XXYLT1: variants seen among roughly 807,000 people sequenced by gnomAD.
The protein encoded by XXYLT1 is xyloside xylosyltransferase 1.
A neutral mutation model predicts 28.9 loss-of-function variants in XXYLT1; 20 were observed. That is an observed-to-expected ratio of 0.69 (90% CI 0.49 to 1.00). The LOEUF is 1.00. Ranked by LOEUF, XXYLT1 falls within the 50% of genes least tolerant of loss-of-function variation. The pLI, the probability that XXYLT1 is intolerant of heterozygous loss-of-function variation, is 0.00. For synonymous variants in XXYLT1, 257 were observed against 253.8 expected (o/e 1.01, Z -0.12); for missense variants, 542 against 560.1 (o/e 0.97, Z 0.33).
intron 2 of XXYLT1, among the ~76,000 whole-genome samples, chr3:195,198,379 T>C (rs1198736352): frequency 1.3e-5 from 2 of 152,158 alleles, no homozygotes; most frequent in Non-Finnish European, 1.5e-5. Context: ...CAGGAACAAG[T>C]TGTCCGGGCA....
chr3:195,266,986 TAAAC>T (rs1353826662), intron 1 of XXYLT1, among the ~76,000 whole-genome samples: 1 of 152,242 alleles, frequency 6.6e-6, no homozygotes, highest in East Asian at 1.9e-4. Flanking sequence ...TCACAGATAA[TAAAC>T]TAACAGATTA....
chr3:195,072,239 C>T (rs1036645697), intron 3 of XXYLT1, among the ~76,000 whole-genome samples: 5 of 152,196 alleles, frequency 3.3e-5, no homozygotes, highest in African/African-American at 1.2e-4. Context: ...GCTGCACCTG[C>T]AGATTCACTG....
chr3:195,241,654 T>G (rs903562386), intron 1 of XXYLT1, among the ~76,000 whole-genome samples: 13 of 152,176 alleles, frequency 8.5e-5, no homozygotes, highest in Admixed American at 6.5e-4. Flanking sequence ...CCAGGGCCTA[T>G]GCACTGTCTA....
intron 3 of XXYLT1, among the ~76,000 whole-genome samples, chr3:195,131,305 T>A (rs534053169): frequency 6.6e-5 from 10 of 152,334 alleles, no homozygotes; most frequent in African/African-American, 2.4e-4. Context: ...AAGGGACAGG[T>A]GATCTGACTT....
intron 1 of XXYLT1, among the ~76,000 whole-genome samples, chr3:195,234,403 T>C (rs939111188): frequency 2.4e-4 from 35 of 145,496 alleles, no homozygotes; most frequent in Non-Finnish European, 4.8e-4. Flanking sequence ...CTGCAACCTC[T>C]TGCCTCCCAG....
intron 3 of XXYLT1, among the ~76,000 whole-genome samples, chr3:195,088,676 G>A (rs1280941788): frequency 7.2e-6 from 1 of 138,324 alleles, no homozygotes; most frequent in East Asian, 2.2e-4. Context: ...GCTGGATGGA[G>A]AATGACTTTG....
chr3:195,264,876 A>G (rs1725793993), intron 1 of XXYLT1, among the ~76,000 whole-genome samples: 2 of 152,160 alleles, frequency 1.3e-5, no homozygotes, highest in Admixed American at 1.3e-4. Flanking sequence ...AAAGAAGGTG[A>G]GATCCCATCT....
At chr3:195,238,524 A>C (rs1724648247) in intron 1 of XXYLT1, among the ~76,000 whole-genome samples, 1 of 152,200 alleles carries the variant, frequency 6.6e-6, no homozygotes, top group Non-Finnish European at 1.5e-5. Flanking sequence ...GGCCACCCAT[A>C]CATCCATACA....
rs73890688 is a variant in XXYLT1, at chr3:195,130,890, C to T, written c.785+25559G>A. ...AGAGGTCTTTATGCTGCACCAACTG[C>T]GGCTTTGTCCCATACGCTCCGAAAA... On this transcript the variant is annotated intron_variant, in intron 3 of 3. Coordinates refer to ENST00000310380, the MANE Select transcript of XXYLT1 (RefSeq NM_152531.5). Among the ~76,000 whole-genome samples the T allele has an allele frequency of 2.0e-3, 302 of 152,184 alleles. 1 individual carries two copies. The highest frequency in any genetic ancestry group is 6.9e-3 in the African/African-American group (287 of 41,506).
At chr3:195,123,290 G>A (rs959629532) in intron 3 of XXYLT1, among the ~76,000 whole-genome samples, 1 of 152,002 alleles carries the variant, frequency 6.6e-6, no homozygotes, top group African/African-American at 2.4e-5. Flanking sequence ...CACAGCATAA[G>A]GGGCTGCCTA....
chr3:195,208,844 C>T (rs892388929), intron 2 of XXYLT1, among the ~76,000 whole-genome samples: 21 of 151,994 alleles, frequency 1.4e-4, no homozygotes, highest in Admixed American at 6.5e-5. Context: ...GGTCACTGGG[C>T]GAGGGCCACG....
chr3:195,220,790 C>CT (rs1321532113), intron 2 of XXYLT1, among the ~76,000 whole-genome samples: 1 of 152,230 alleles, frequency 6.6e-6, no homozygotes, highest in East Asian at 1.9e-4. Flanking sequence ...GAGGCAGACA[C>CT]TACCAGCAGG....
intron 2 of XXYLT1, chr3:195,175,687 C>T (rs1289931354): frequency 6.5e-7 from 1 of 1,536,184 alleles, no homozygotes; most frequent in South Asian, 1.2e-5. Flanking sequence ...TAGCTCCTGG[C>T]TGATGGACTA....
chr3:195,170,194 A>G (rs1577104691), intron 2 of XXYLT1, among the ~76,000 whole-genome samples: 1 of 152,352 alleles, frequency 6.6e-6, no homozygotes, highest in East Asian at 1.9e-4. Flanking sequence ...ACACACACAT[A>G]TGAAACCAGA....
At chr3:195,190,852 C>T (rs538201762) in intron 2 of XXYLT1, among the ~76,000 whole-genome samples, 58 of 152,012 alleles carry the variant, frequency 3.8e-4, no homozygotes, top group African/African-American at 1.2e-3. Context: ...AATTAAAATG[C>T]ATATTGTGAG....
intron 3 of XXYLT1, among the ~76,000 whole-genome samples, chr3:195,099,590 G>A (rs562700845): frequency 6.6e-6 from 1 of 152,300 alleles, no homozygotes; most frequent in East Asian, 1.9e-4. Flanking sequence ...CAGCACTTTG[G>A]GAGGCCGAGG....
rs775785995 is a variant in XXYLT1 at position 195,270,625 on chromosome 3, T to G, written c.434A>C (p.Glu145Ala). 3.3e-6 allele frequency: 5 copies of G among 1,527,850 alleles called. No homozygotes were observed. In the South Asian group the frequency reaches 6.0e-5, roughly 18 times the overall value. 94.6% of individuals were successfully genotyped at this position (1,527,850 alleles called of 1,614,324 possible). A position where few individuals can be genotyped will look rare whatever the true frequency, so the allele number is the denominator to read the frequency against. ...GCCCTTGGCCACCTCGCGGCTGGCCTCCTCGCTCACGAAGTGAAGGTTAAG... is the reference window on the plus strand; with the variant it reads ...GCCCTTGGCCACCTCGCGGCTGGCCGCCTCGCTCACGAAGTGAAGGTTAAG... ...EVLNLHFVSEEASREVAKGLL... is the reference protein window; with the variant it reads ...EVLNLHFVSEAASREVAKGLL... Residue 145 changes from glutamate (E) to alanine (A), a missense_variant, in exon 1 of 4, where the codon GAG becomes GCG. Transcript: ENST00000310380.
At chr3:195,148,445 A>AT (rs34143584) in intron 3 of XXYLT1, among the ~76,000 whole-genome samples, 16 of 149,134 alleles carry the variant, frequency 1.1e-4, no homozygotes, top group South Asian at 2.1e-4. Context: ...ATCTTGGTTA[A>AT]TTTTTTTTTT....
chr3:195,071,225 G>A lies in XXYLT1; in HGVS notation c.786-1114C>T, dbSNP rs549100454. 7.6e-4 allele frequency among the ~76,000 whole-genome samples: 116 copies of A among 152,288 alleles called. 1 individual carries two copies. In the Middle Eastern group the frequency reaches 0.02, roughly 27 times the overall value. ...GACAGGCGTGGGAGTGGGTCCTCAC[G>A]GGGAGGACACATCGTGGCAGAACCA... is the stretch of plus-strand genomic sequence containing the variant. On this transcript the variant is annotated intron_variant, in intron 3 of 3. Coordinates refer to ENST00000310380, the MANE Select transcript of XXYLT1 (RefSeq NM_152531.5).
Sources: allele counts gnomAD v4.1 joint callset (sites outside exome capture counted in the v4.1 genomes callset), GRCh38; gene constraint gnomAD v4.1.1; transcripts MANE v1.5; gene names NCBI Gene and HGNC (gene_info 2026-07-23, HGNC 2026-07-21).